Variants in HOOK1 observed in about 807,000 individuals in gnomAD.
HOOK1 encodes hook microtubule tethering protein 1, also known as protein Hook homolog 1.
Under a neutral mutation model 112.8 loss-of-function variants are expected in HOOK1, and 60 were observed. The ratio of observed to expected loss-of-function variants is 0.53; its 90% CI spans 0.43 to 0.66. The LOEUF is 0.66. Ranked by LOEUF, HOOK1 falls within the 30% of genes least tolerant of loss-of-function variation. The pLI is 0.00. For missense variants in HOOK1, 770 were observed against 856.0 expected, an observed-to-expected ratio of 0.90 and a Z score of 1.25; for synonymous variants, 294 against 283.8, an observed-to-expected ratio of 1.04 and a Z score of -0.36.
intron 2 of HOOK1, 136 bp from the exon 3 acceptor site, chr1:59,828,644 G>T: frequency 1.8e-6 from 1 of 570,850 alleles, no homozygotes; most frequent in Non-Finnish European, 3.0e-6. Context: ...ATAAATTATT[G>T]CTATATAAGT....
At chr1:59,866,039 G>C in intron 19 of HOOK1, 67 bp downstream of exon 19, 2 of 826,182 alleles carry the variant, frequency 2.4e-6, no homozygotes, top group South Asian at 1.5e-5. Context: ...CATTTCACTG[G>C]ATTTTTCTGC....
chr1:59,858,851 G>A (rs1340404698), intron 13 of HOOK1, 134 bp from the exon 14 acceptor site: 1 of 494,216 alleles, frequency 2.0e-6, no homozygotes. Context: ...AGGGGAGCGG[G>A]GAATTGGGTT....
chr1:59,838,626 A>AT (rs1326911060), intron 7 of HOOK1, among the ~76,000 whole-genome samples: 1 of 151,818 alleles, frequency 6.6e-6, no homozygotes, highest in Non-Finnish European at 1.5e-5. Flanking sequence ...AGATTGCAAA[A>AT]TTTTTTTCCC....
intron 15 of HOOK1, among the ~76,000 whole-genome samples, chr1:59,861,524 G>C (rs1380780886): frequency 2.6e-5 from 4 of 152,132 alleles, no homozygotes; most frequent in African/African-American, 9.7e-5. Flanking sequence ...GCTTTTCTAA[G>C]TACTTTTTTG....
At chr1:59,820,192 T>G (rs1396307900) in intron 1 of HOOK1, among the ~76,000 whole-genome samples, 1 of 152,210 alleles carries the variant, frequency 6.6e-6, no homozygotes, top group Non-Finnish European at 1.5e-5. Context: ...ACATATTGTT[T>G]CTAGGCCCTA....
intron 19 of HOOK1, among the ~76,000 whole-genome samples, chr1:59,866,188 G>T (rs1397868340): frequency 2.6e-5 from 4 of 152,090 alleles, no homozygotes; most frequent in African/African-American, 9.7e-5. Context: ...TAGCTAATAG[G>T]GACTGTTTAG....
chr1:59,823,614 C>T (rs962490134), intron 2 of HOOK1, among the ~76,000 whole-genome samples: 11 of 152,138 alleles, frequency 7.2e-5, no homozygotes, highest in African/African-American at 2.4e-4. Flanking sequence ...TTTTGGTGGG[C>T]TTTGGTAGCT....
At chr1:59,834,166 T>C (rs945671962) in intron 5 of HOOK1, among the ~76,000 whole-genome samples, 2 of 152,166 alleles carry the variant, frequency 1.3e-5, no homozygotes, top group African/African-American at 2.4e-5. Flanking sequence ...TGGTGAGACT[T>C]TTGACGCTGA....
chr1:59,826,122 G>A (rs2098389740), intron 2 of HOOK1, among the ~76,000 whole-genome samples: 1 of 152,130 alleles, frequency 6.6e-6, no homozygotes, highest in African/African-American at 2.4e-5. Context: ...GTAAAACTGT[G>A]GAAGATAAAT....
chr1:59,862,071 T>A (rs2098413938), intron 15 of HOOK1, among the ~76,000 whole-genome samples: 1 of 152,206 alleles, frequency 6.6e-6, no homozygotes, highest in Non-Finnish European at 1.5e-5. Context: ...TTCAGTTCAA[T>A]ACAAGTTGTT....
At chr1:59,837,794 C>T (rs1429261023) in intron 7 of HOOK1, among the ~76,000 whole-genome samples, 1 of 151,948 alleles carries the variant, frequency 6.6e-6, no homozygotes, top group Non-Finnish European at 1.5e-5. Context: ...TTGCTGCACC[C>T]GTCAACCTGT....
intron 7 of HOOK1, among the ~76,000 whole-genome samples, chr1:59,839,020 T>G (rs1048948135): frequency 6.6e-6 from 1 of 152,140 alleles, no homozygotes; most frequent in African/African-American, 2.4e-5. Context: ...ATGTGTGGTG[T>G]TATTTCTGAG....
At position 59,871,053 on chromosome 1, in the gene HOOK1, A is replaced by G. The variant is rs1644047925; in HGVS notation, c.1959A>G (p.Lys653=). Reference sequence around the variant, plus strand: ...TATCTTTTTTCCAGAGTGAATGCAAAGTAGCAAAATTCCGTGATTATGAAG... The same window carrying G: ...TATCTTTTTTCCAGAGTGAATGCAAGGTAGCAAAATTCCGTGATTATGAAG... ...RRIEILESEC[K]VAKFRDYEEK... Residue 653 remains lysine (K), a synonymous_variant, in exon 21 of 22, where the codon AAA becomes AAG. Coordinates refer to ENST00000371208, the MANE Select transcript of HOOK1 (RefSeq NM_015888.6). 3 of 1,608,782 alleles carry G rather than the reference A, an allele frequency of 1.9e-6. No individual in the cohort carries two copies. The highest frequency in any genetic ancestry group is 1.7e-5 in the Admixed American group (1 of 59,962).
chr1:59,864,221 C>A (rs1305719457), intron 16 of HOOK1, among the ~76,000 whole-genome samples: 1 of 151,610 alleles, frequency 6.6e-6, no homozygotes, highest in Non-Finnish European at 1.5e-5. Context: ...TATTTTAGAT[C>A]TTTAAGTTTG....
At chr1:59,846,585 T>TCCTCCCTCCCTTCCTCCCTCCCTC in intron 9 of HOOK1, among the ~76,000 whole-genome samples, 1 of 61,030 alleles carries the variant, frequency 1.6e-5, no homozygotes, top group African/African-American at 7.4e-5. Flanking sequence ...CTTCCTTCCT[T>TCCTCCCTCCCTTCCTCCCTCCCTC]CCTCCCTCCT....
intron 12 of HOOK1, among the ~76,000 whole-genome samples, chr1:59,852,521 T>C (rs1308032530): frequency 6.6e-6 from 1 of 151,564 alleles, no homozygotes; most frequent in Admixed American, 6.6e-5. Context: ...TTTTTGTAAT[T>C]TGAATTTCTC....
Position 59,858,461 on chromosome 1 carries a change from A to G in HOOK1, c.1276A>G (p.Thr426Ala). The G allele has an allele frequency of 6.2e-7, 1 of 1,613,392 alleles. No homozygotes were observed. Among genetic ancestry groups the G allele is most frequent in the Non-Finnish European group, 8.5e-7 (1 of 1,179,328 alleles). Reference protein sequence around the residue: ...LIEQRDTLKETNEELRCSQVQ... With the variant: ...LIEQRDTLKEANEELRCSQVQ... ...TGAGCAGCGTGATACTTTGAAAGAA[A>G]CAAATGAAGAGCTTCGATGTTCACA... Residue 426 changes from threonine (T) to alanine (A), a missense_variant, in exon 13 of 22, where the codon ACA becomes GCA. Coordinates refer to ENST00000371208, the MANE Select transcript of HOOK1 (RefSeq NM_015888.6).
intron 3 of HOOK1, among the ~76,000 whole-genome samples, chr1:59,830,981 A>G (rs1173857837): frequency 1.3e-5 from 2 of 150,556 alleles, no homozygotes; most frequent in Non-Finnish European, 3.0e-5. Context: ...GCTCACTGCA[A>G]CCTCTGCCCC....
In HOOK1 at chr1:59,843,560, A is replaced by G. The variant is rs370278771; in HGVS notation, c.750A>G (p.Ala250=). ...TGGTTGCAAAAAAGTATTTTCATGC[A>G]CAATTACAACTAGAACAATTACAGG... ...NTVVAKKYFH[A]QLQLEQLQEE... is the part of the protein sequence containing the mutation. Residue 250 remains alanine, a synonymous_variant, in exon 9 of 22, where the codon GCA becomes GCG. Coordinates refer to ENST00000371208, the MANE Select transcript of HOOK1 (RefSeq NM_015888.6). The G allele has an allele frequency of 2.5e-6, 4 of 1,608,666 alleles. No homozygotes were observed. Among genetic ancestry groups the G allele is most frequent in the East Asian group, 2.2e-5 (1 of 44,670 alleles).
Sources: gnomAD v4.1 joint callset for allele counts (sites outside exome capture counted in the v4.1 genomes callset) on GRCh38, gnomAD v4.1.1 for gene constraint, MANE v1.5 for transcripts, NCBI Gene and HGNC (gene_info 2026-07-23, HGNC 2026-07-21) for gene names.